Variants in DHRSX observed in about 807,000 individuals in gnomAD.
DHRSX encodes the protein dehydrogenase/reductase X-linked, also known as polyprenol dehydrogenase.
DHRSX carries 31 observed loss-of-function variants against 34.0 expected under a neutral mutation model. That is an observed-to-expected ratio of 0.91 (90% CI 0.69 to 1.23). The LOEUF (loss-of-function observed/expected upper bound fraction) is 1.23. DHRSX is among the 50% of genes most tolerant of loss of function. The pLI is 0.00. For synonymous variants in DHRSX, 201 were observed against 183.8 expected, an observed-to-expected ratio of 1.09 and a Z score of -0.76; for missense variants, 414 against 428.1, an observed-to-expected ratio of 0.97 and a Z score of 0.29.
chrX:2,332,872 G>A (rs1379947591), intron 3 of DHRSX, among the ~76,000 whole-genome samples: 6 of 152,126 alleles, frequency 3.9e-5, no homozygotes, highest in East Asian at 1.9e-4. Flanking sequence ...GTTGTCTAAC[G>A]TGTATTCAGA....
intron 1 of DHRSX, among the ~76,000 whole-genome samples, chrX:2,466,603 G>A (rs958485305): frequency 2.0e-5 from 3 of 152,132 alleles, no homozygotes; most frequent in Non-Finnish European, 4.4e-5. Context: ...TGGATACAAA[G>A]AAGGGAACAG....
chrX:2,371,829 T>C (rs2043076462), intron 3 of DHRSX, among the ~76,000 whole-genome samples: 1 of 152,186 alleles, frequency 6.6e-6, no homozygotes, highest in Non-Finnish European at 1.5e-5. Context: ...AAACTGTTGC[T>C]ACCTGTGTAT....
rs2043373111 is a variant in DHRSX, at chrX:2,393,793, CTG to C, written c.286+14950_286+14951del. ...GGGCACACAACACCCAGGGACCTCC[CTG>C]TCTCCTGCACACACGACACACAGGG... is the stretch of plus-strand genomic sequence containing the variant. On this transcript the variant is annotated intron_variant, in intron 3 of 6. Transcript: ENST00000334651. 7.3e-5 allele frequency among the ~76,000 whole-genome samples: 4 copies of C among 55,030 alleles called. 1 individual carries two copies. Among genetic ancestry groups the C allele is most frequent in the East Asian group, 9.4e-4 (2 of 2,128 alleles). 36.1% of individuals were successfully genotyped at this position (55,030 alleles called of 152,430 possible).
chrX:2,325,505 T>C (rs1485962967), intron 3 of DHRSX, among the ~76,000 whole-genome samples: 1 of 152,126 alleles, frequency 6.6e-6, no homozygotes, highest in Non-Finnish European at 1.5e-5. Context: ...ACATGTAAAG[T>C]AAGAAAAACA....
intron 1 of DHRSX, among the ~76,000 whole-genome samples, chrX:2,458,984 T>A (rs1486271695): frequency 6.6e-6 from 1 of 151,674 alleles, no homozygotes; most frequent in African/African-American, 2.4e-5. Flanking sequence ...TACAAAACTT[T>A]AAAAATTAAC....
chrX:2,433,850 A>G (rs28432383), intron 1 of DHRSX, among the ~76,000 whole-genome samples: 16,534 of 152,044 alleles, frequency 0.11, 1,770 homozygotes, highest in African/African-American at 0.28. Flanking sequence ...TATCAGCTCA[A>G]TGCAAGCTCC....
chrX:2,331,350 A>G (rs1196646062), intron 3 of DHRSX, among the ~76,000 whole-genome samples: 1 of 151,138 alleles, frequency 6.6e-6, no homozygotes, highest in Non-Finnish European at 1.5e-5. Flanking sequence ...GATTTCTGTT[A>G]ATGTGGATAT....
At chrX:2,310,490 CT>C (rs1460673868) in intron 3 of DHRSX, among the ~76,000 whole-genome samples, 1 of 151,796 alleles carries the variant, frequency 6.6e-6, no homozygotes, top group African/African-American at 2.4e-5. Context: ...CCATCTGCCC[CT>C]AAGACCTACT....
intron 4 of DHRSX, among the ~76,000 whole-genome samples, chrX:2,290,297 A>G (rs2041851101): frequency 6.6e-6 from 1 of 152,210 alleles, no homozygotes; most frequent in East Asian, 1.9e-4. Flanking sequence ...ACAAAAAGAA[A>G]AAAAAATTAG....
At chrX:2,424,258 TG>T (rs2043815581) in intron 2 of DHRSX, among the ~76,000 whole-genome samples, 1 of 151,284 alleles carries the variant, frequency 6.6e-6, no homozygotes, top group South Asian at 2.1e-4. Flanking sequence ...TCCAGGACTG[TG>T]GGAAACTCAA....
intron 3 of DHRSX, among the ~76,000 whole-genome samples, chrX:2,376,889 G>A (rs1241522329): frequency 1.3e-5 from 2 of 152,024 alleles, no homozygotes; most frequent in African/African-American, 4.8e-5. Context: ...AGCTACTCAG[G>A]AGGCTAAGGC....
intron 3 of DHRSX, among the ~76,000 whole-genome samples, chrX:2,295,839 G>A (rs1258215483): frequency 1.3e-5 from 2 of 152,140 alleles, no homozygotes; most frequent in Admixed American, 6.6e-5. Flanking sequence ...TCCGGCATGT[G>A]GCAATACCGA....
At chrX:2,248,874 C>T (rs142383718) in intron 5 of DHRSX, among the ~76,000 whole-genome samples, 1,531 of 152,246 alleles carry the variant, frequency 0.01, 29 homozygotes, top group African/African-American at 0.034. Flanking sequence ...GTTCAGACGT[C>T]GTTGAACCTA....
At chrX:2,288,594 G>C (rs2041832131) in intron 4 of DHRSX, among the ~76,000 whole-genome samples, 1 of 152,168 alleles carries the variant, frequency 6.6e-6, no homozygotes. Flanking sequence ...CTAAAAACTG[G>C]GGAAGGAAAT....
intron 1 of DHRSX, among the ~76,000 whole-genome samples, chrX:2,448,302 C>T (rs1377546945): frequency 2.0e-5 from 3 of 152,112 alleles, no homozygotes; most frequent in Admixed American, 2.0e-4. Flanking sequence ...CGCTGCACTC[C>T]ACCGTGGGTG....
chrX:2,448,538 C>A (rs2044171382), intron 1 of DHRSX, among the ~76,000 whole-genome samples: 1 of 148,822 alleles, frequency 6.7e-6, no homozygotes, highest in African/African-American at 2.5e-5. Flanking sequence ...TGTTAATTAG[C>A]TTGTTAATAT....
At chrX:2,419,480 A>G (rs2043744390) in intron 2 of DHRSX, among the ~76,000 whole-genome samples, 1 of 152,186 alleles carries the variant, frequency 6.6e-6, no homozygotes, top group Non-Finnish European at 1.5e-5. Context: ...ATATACCCAA[A>G]GGATTATAAA....
At chrX:2,447,506 G>A (rs147484709) in intron 1 of DHRSX, among the ~76,000 whole-genome samples, 13,827 of 152,162 alleles carry the variant, frequency 0.091, 794 homozygotes, top group South Asian at 0.19. Flanking sequence ...AGAATGATGT[G>A]CAGGATCCAG....
At chrX:2,323,026 C>T (rs1196430579) in intron 3 of DHRSX, among the ~76,000 whole-genome samples, 6 of 150,500 alleles carry the variant, frequency 4.0e-5, no homozygotes, top group African/African-American at 1.2e-4. Context: ...CAGGTTCAAG[C>T]GATTCTCCTG....
Sources: allele counts gnomAD v4.1 joint callset (sites outside exome capture counted in the v4.1 genomes callset), GRCh38; gene constraint gnomAD v4.1.1; transcripts MANE v1.5; gene names NCBI Gene and HGNC (gene_info 2026-07-23, HGNC 2026-07-21).